Variants in FAM171A1 observed in about 807,000 individuals in gnomAD.
The protein encoded by FAM171A1 is family with sequence similarity 171 member A1, also known as protein FAM171A1.
A neutral mutation model predicts 74.9 loss-of-function variants in FAM171A1; 23 were observed. The ratio of observed to expected loss-of-function variants is 0.31; its 90% CI spans 0.22 to 0.44. FAM171A1 has a LOEUF of 0.44. FAM171A1 is among the 20% of genes least tolerant of loss of function. The probability of loss-of-function intolerance (pLI) is 1.00; values close to 1 mark genes in which losing one functional copy is unlikely to be tolerated. For missense variants in FAM171A1, 1,162 were observed against 1,159.2 expected (o/e 1.00, Z -0.03); for synonymous variants, 527 against 505.7 (o/e 1.04, Z -0.57).
At chr10:15,340,457 T>C (rs1385129658) in intron 1 of FAM171A1, among the ~76,000 whole-genome samples, 1 of 152,156 alleles carries the variant, frequency 6.6e-6, no homozygotes, top group African/African-American at 2.4e-5. Flanking sequence ...GTACAGTGCA[T>C]TGTGGAACTT....
intron 1 of FAM171A1, among the ~76,000 whole-genome samples, chr10:15,361,218 T>C (rs1588571863): frequency 6.6e-6 from 1 of 152,252 alleles, no homozygotes; most frequent in African/African-American, 2.4e-5. Flanking sequence ...TCTGTTAATA[T>C]ACATTTCCCT....
chr10:15,303,048 G>C (rs1329261395), intron 1 of FAM171A1, among the ~76,000 whole-genome samples: 6 of 152,038 alleles, frequency 3.9e-5, no homozygotes, highest in African/African-American at 1.5e-4. Flanking sequence ...AATTAGCCAG[G>C]CTTGGTGGCG....
rs771468261 is a variant in FAM171A1, at chr10:15,213,217, G to C, written c.2371C>G (p.Leu791Val). The change falls in exon 8 of 8, where the codon CTG becomes GTG. Residue 791 changes from leucine to valine, a missense_variant. Transcript: ENST00000378116. This position sits in a 1 kb window ranked among gnomAD's most constrained non-coding sequence, Gnocchi z 6.8. ...DSTAYTQLVY[L>V]DDVEQSGSEC... Reference sequence around the variant, plus strand: ...CTACCACTCTGTTCCACGTCATCCAGGTACACGAGCTGCGTGTAGGCCGTG... The same window carrying C: ...CTACCACTCTGTTCCACGTCATCCACGTACACGAGCTGCGTGTAGGCCGTG... 4 of 1,614,012 alleles carry C rather than the reference G, an allele frequency of 2.5e-6. No individual in the cohort carries two copies. In the African/African-American group the frequency reaches 5.3e-5, roughly 22 times the overall value.
At chr10:15,318,195 G>A (rs1835444972) in intron 1 of FAM171A1, among the ~76,000 whole-genome samples, 1 of 152,204 alleles carries the variant, frequency 6.6e-6, no homozygotes, top group African/African-American at 2.4e-5. Flanking sequence ...GGAGAGGGGT[G>A]TGATGAGATA....
At chr10:15,348,122 C>A (rs566690629) in intron 1 of FAM171A1, among the ~76,000 whole-genome samples, 3 of 151,884 alleles carry the variant, frequency 2.0e-5, no homozygotes, top group African/African-American at 7.3e-5. Context: ...GGATTACAAG[C>A]GCCTGCCACC....
chr10:15,330,004 T>C (rs893854598), intron 1 of FAM171A1, among the ~76,000 whole-genome samples: 4 of 152,230 alleles, frequency 2.6e-5, no homozygotes, highest in African/African-American at 9.6e-5. Flanking sequence ...AGTATGGCAC[T>C]GCAAATCACT....
chr10:15,341,144 G>A (rs1246532896), intron 1 of FAM171A1, among the ~76,000 whole-genome samples: 3 of 152,222 alleles, frequency 2.0e-5, no homozygotes, highest in Admixed American at 6.5e-5. Flanking sequence ...GGACGGTCTA[G>A]TAGGACACGC....
chr10:15,374,197 A>G (rs565296779), upstream of FAM171A1, among the ~76,000 whole-genome samples: 2 of 152,300 alleles, frequency 1.3e-5, no homozygotes, highest in African/African-American at 4.8e-5. Context: ...AGCAACACTG[A>G]GTCTTGTCTA....
In FAM171A1 at chr10:15,322,228, C is replaced by T. The variant is rs1835495492; in HGVS notation, c.98-38123G>A. 4.6e-5 allele frequency among the ~76,000 whole-genome samples: 7 copies of T among 152,196 alleles called. No homozygotes were observed. The South Asian group carries it at 1.4e-3, about 32-fold the overall frequency. The stretch of plus-strand genomic sequence containing the variant: ...ACAAATAATGCGTTGCTTTCTTTGA[C>T]AGCTGTTCAATAACTGAATACAGCT... On this transcript the variant is annotated intron_variant, in intron 1 of 7. Transcript: ENST00000378116.
intron 1 of FAM171A1, among the ~76,000 whole-genome samples, chr10:15,326,967 A>C (rs1169914366): frequency 6.6e-6 from 1 of 152,204 alleles, no homozygotes; most frequent in East Asian, 1.9e-4. Flanking sequence ...ACACAGCCAC[A>C]TGTTGTGGTT....
Position 15,238,224 on chromosome 10 carries a change from T to C in FAM171A1, c.754+10415A>G, listed in dbSNP as rs530747032. Reference sequence around the variant, plus strand: ...ACCTAGTCATGTGGCTTGTGATATATAGAGACAAAGATAAGCTAATATTGT... The same window carrying C: ...ACCTAGTCATGTGGCTTGTGATATACAGAGACAAAGATAAGCTAATATTGT... On this transcript the variant is annotated intron_variant, in intron 5 of 7. Transcript: ENST00000378116. Among the ~76,000 whole-genome samples the C allele has an allele frequency of 1.1e-4, 16 of 152,292 alleles. No homozygotes were observed. The South Asian group carries it at 3.3e-3, about 32-fold the overall frequency.
At chr10:15,367,533 G>A (rs1233464538) in intron 1 of FAM171A1, among the ~76,000 whole-genome samples, 2 of 152,170 alleles carry the variant, frequency 1.3e-5, no homozygotes, top group Non-Finnish European at 2.9e-5. Context: ...TTATTTAGAA[G>A]TCATGCTCTT....
intron 5 of FAM171A1, among the ~76,000 whole-genome samples, chr10:15,248,310 G>A (rs1415050247): frequency 2.0e-5 from 3 of 151,986 alleles, no homozygotes; most frequent in Non-Finnish European, 4.4e-5. Context: ...ATGACCAAGA[G>A]CAACCATATG....
chr10:15,374,024 T>C (rs1836177225), upstream of FAM171A1, among the ~76,000 whole-genome samples: 2 of 152,210 alleles, frequency 1.3e-5, no homozygotes. Flanking sequence ...GAAGGGGCTT[T>C]ACTGGCTCAA....
intron 5 of FAM171A1, among the ~76,000 whole-genome samples, chr10:15,221,904 T>C (rs1428674416): frequency 5.3e-5 from 8 of 152,120 alleles, no homozygotes; most frequent in African/African-American, 1.2e-4. Flanking sequence ...TCCCAGCATT[T>C]GATTGCATTT....
In FAM171A1 at chr10:15,216,112, T is replaced by C; in HGVS notation, c.872-2A>G. 6.3e-7 allele frequency: 1 copy of C among 1,577,884 alleles called. No individual in the cohort carries two copies. The highest frequency in any genetic ancestry group is 8.6e-7 in the Non-Finnish European group (1 of 1,167,306). On this transcript the variant is annotated splice_acceptor_variant, in intron 6 of 7. Transcript: ENST00000378116. LOFTEE classifies it high-confidence loss of function. ...TAATGTCCTGTGTTACAACGGGACCTAGAAGGTCAGAAAATGGCATTTAGA... is the reference window on the plus strand; with the variant it reads ...TAATGTCCTGTGTTACAACGGGACCCAGAAGGTCAGAAAATGGCATTTAGA...
At chr10:15,276,074 A>G in intron 2 of FAM171A1, 127 bp from the exon 3 acceptor site, 1 of 598,712 alleles carries the variant, frequency 1.7e-6, no homozygotes, top group Non-Finnish European at 2.9e-6. Context: ...ATTAATTTTT[A>G]GTTAGATTAG....
chr10:15,360,876 C>CT (rs1191050341), intron 1 of FAM171A1, among the ~76,000 whole-genome samples: 2 of 152,168 alleles, frequency 1.3e-5, no homozygotes, highest in African/African-American at 4.8e-5. Context: ...ACACTTTCGA[C>CT]TTTTTACTTG....
intron 5 of FAM171A1, among the ~76,000 whole-genome samples, chr10:15,222,824 A>C (rs1834055817): frequency 1.3e-5 from 2 of 152,244 alleles, no homozygotes; most frequent in Admixed American, 1.3e-4. Context: ...GTCGGGCACC[A>C]GCGAGGGCTC....
Sources: allele counts gnomAD v4.1 joint callset (sites outside exome capture counted in the v4.1 genomes callset), GRCh38; gene constraint gnomAD v4.1.1; non-coding constraint Gnocchi (gnomAD v3.1); transcripts MANE v1.5; gene names NCBI Gene and HGNC (gene_info 2026-07-23, HGNC 2026-07-21).